Variants in SIPA1L2 observed in about 807,000 individuals in gnomAD.
SIPA1L2 encodes the protein signal induced proliferation associated 1 like 2.
Under a neutral mutation model 163.9 loss-of-function variants are expected in SIPA1L2, and 56 were observed. The observed-to-expected ratio is 0.34, with a 90% CI of 0.28 to 0.43. The LOEUF is 0.43. Ranked by LOEUF, SIPA1L2 falls within the 20% of genes least tolerant of loss-of-function variation. SIPA1L2 has a pLI of 1.00. For missense variants in SIPA1L2, 1,974 were observed against 2,193.5 expected, an observed-to-expected ratio of 0.90 and a Z score of 2.00; for synonymous variants, 877 against 865.7, an observed-to-expected ratio of 1.01 and a Z score of -0.23.
intron 2 of SIPA1L2, among the ~76,000 whole-genome samples, chr1:232,548,161 G>A (rs1208922281): frequency 1.3e-5 from 2 of 152,202 alleles, no homozygotes; most frequent in East Asian, 1.9e-4. Flanking sequence ...ATAAACACTA[G>A]TATGATGACT....
At chr1:232,469,209 GA>G (rs35046377) in intron 8 of SIPA1L2, among the ~76,000 whole-genome samples, 1 of 152,166 alleles carries the variant, frequency 6.6e-6, no homozygotes, top group Admixed American at 6.5e-5. Context: ...CTCAACACCC[GA>G]AAAAAGCTCA....
At chr1:232,433,489 A>G (rs1222690511) in intron 15 of SIPA1L2, among the ~76,000 whole-genome samples, 2 of 152,196 alleles carry the variant, frequency 1.3e-5, no homozygotes, top group African/African-American at 4.8e-5. Flanking sequence ...TCTAGTCCTT[A>G]ACCTGGTGGT....
chr1:232,449,039 A>C (rs1406479195), intron 10 of SIPA1L2, among the ~76,000 whole-genome samples: 1 of 152,144 alleles, frequency 6.6e-6, no homozygotes, highest in East Asian at 1.9e-4. Context: ...AGATCAAAGA[A>C]GATGGTTCTC....
At chr1:232,506,337 C>G (rs1336251760) in intron 3 of SIPA1L2, among the ~76,000 whole-genome samples, 1 of 152,144 alleles carries the variant, frequency 6.6e-6, no homozygotes, top group Non-Finnish European at 1.5e-5. Context: ...TTATTATCAT[C>G]CCATTTTACA....
intron 1 of SIPA1L2, among the ~76,000 whole-genome samples, chr1:232,592,795 CCG>C (rs1182884925): frequency 2.8e-5 from 4 of 141,894 alleles, no homozygotes; most frequent in Non-Finnish European, 6.1e-5. Flanking sequence ...TTTATCCTCT[CCG>C]AATGTTCACA....
intron 7 of SIPA1L2, among the ~76,000 whole-genome samples, chr1:232,474,153 T>C (rs745833771): frequency 1.3e-5 from 2 of 152,216 alleles, no homozygotes; most frequent in Non-Finnish European, 2.9e-5. Flanking sequence ...TTTGAGGGAA[T>C]TGTAGGAATG....
chr1:232,468,407 G>A (rs926233082), intron 8 of SIPA1L2, among the ~76,000 whole-genome samples: 2 of 152,216 alleles, frequency 1.3e-5, no homozygotes, highest in African/African-American at 4.8e-5. Flanking sequence ...GCAAACTGGA[G>A]TCAGGTAACT....
chr1:232,583,134 GA>G (rs1406826122), intron 1 of SIPA1L2, among the ~76,000 whole-genome samples: 1 of 152,190 alleles, frequency 6.6e-6, no homozygotes, highest in Non-Finnish European at 1.5e-5. Flanking sequence ...GTGGAGCAGT[GA>G]AAAGTCATGA....
intron 1 of SIPA1L2, among the ~76,000 whole-genome samples, chr1:232,583,845 A>G (rs1352515234): frequency 6.8e-6 from 1 of 146,468 alleles, no homozygotes; most frequent in African/African-American, 2.5e-5. Flanking sequence ...GGCTCAGAAA[A>G]TGATGTAACA....
At chr1:232,401,258 T>G (rs891697123) in intron 22 of SIPA1L2, among the ~76,000 whole-genome samples, 1 of 152,142 alleles carries the variant, frequency 6.6e-6, no homozygotes, top group Non-Finnish European at 1.5e-5. Flanking sequence ...ATATGGAAAC[T>G]TCCACATCCT....
chr1:232,527,312 G>A (rs904071461), intron 2 of SIPA1L2, among the ~76,000 whole-genome samples: 1 of 152,128 alleles, frequency 6.6e-6, no homozygotes, highest in South Asian at 2.1e-4. Context: ...GGATTCTTCA[G>A]AAAACAAAGT....
intron 18 of SIPA1L2, among the ~76,000 whole-genome samples, chr1:232,417,915 C>T (rs114437490): frequency 1.3e-5 from 2 of 152,158 alleles, no homozygotes; most frequent in African/African-American, 4.8e-5. Context: ...GGAATCTGGG[C>T]CCACTGCAGC....
intron 2 of SIPA1L2, among the ~76,000 whole-genome samples, chr1:232,557,010 C>A (rs539628964): frequency 1.3e-5 from 2 of 152,258 alleles, no homozygotes; most frequent in African/African-American, 4.8e-5. Context: ...CCACACCCAA[C>A]AAAAGTAAAT....
intron 2 of SIPA1L2, among the ~76,000 whole-genome samples, chr1:232,570,487 A>G (rs1659657535): frequency 6.6e-6 from 1 of 152,248 alleles, no homozygotes; most frequent in Non-Finnish European, 1.5e-5. Flanking sequence ...CTGCAAAAGA[A>G]AAACTAAAAG....
chr1:232,485,832 G>A (rs1045142289), intron 5 of SIPA1L2, among the ~76,000 whole-genome samples: 10 of 152,146 alleles, frequency 6.6e-5, no homozygotes, highest in Non-Finnish European at 1.0e-4. Context: ...AGAGTCCACC[G>A]TTAATACCGA....
At chr1:232,412,288 G>A (rs1222140616) in intron 19 of SIPA1L2, among the ~76,000 whole-genome samples, 1 of 152,132 alleles carries the variant, frequency 6.6e-6, no homozygotes, top group South Asian at 2.1e-4. Flanking sequence ...ATTTTATAGG[G>A]ATCATGGGAT....
At chr1:232,452,444 A>G (rs555606161) in intron 10 of SIPA1L2, among the ~76,000 whole-genome samples, 63 of 152,156 alleles carry the variant, frequency 4.1e-4, no homozygotes, top group African/African-American at 1.5e-3. Context: ...GGTCACTGCC[A>G]AGTACTGTAG....
chr1:232,403,174 G>A (rs1660444901), intron 21 of SIPA1L2, among the ~76,000 whole-genome samples: 1 of 152,238 alleles, frequency 6.6e-6, no homozygotes, highest in Non-Finnish European at 1.5e-5. Flanking sequence ...TGCCCTCTTT[G>A]ACAGTGAGGC....
At chr1:232,495,957 T>TA (rs927326533) in intron 3 of SIPA1L2, among the ~76,000 whole-genome samples, 2 of 152,194 alleles carry the variant, frequency 1.3e-5, no homozygotes, top group African/African-American at 2.4e-5. Context: ...GTAAAAAAGT[T>TA]AAAAAAATAA....
Sources: gnomAD v4.1 joint callset for allele counts (sites outside exome capture counted in the v4.1 genomes callset) on GRCh38, gnomAD v4.1.1 for gene constraint, MANE v1.5 for transcripts, NCBI Gene and HGNC (gene_info 2026-07-23, HGNC 2026-07-21) for gene names.